PKP4: variants seen among roughly 807,000 people sequenced by gnomAD.
The protein encoded by PKP4 is plakophilin 4.
In PKP4, 90 loss-of-function variants were observed where a neutral mutation model predicts 145.1. The ratio of observed to expected loss-of-function variants is 0.62; its 90% CI spans 0.52 to 0.74. The LOEUF is 0.74. PKP4 is among the 30% of genes least tolerant of loss of function. The pLI, the probability that PKP4 is intolerant of heterozygous loss-of-function variation, is 0.00. For synonymous variants in PKP4, 563 were observed against 577.2 expected, an observed-to-expected ratio of 0.98 and a Z score of 0.35; for missense variants, 1,340 against 1,482.7, an observed-to-expected ratio of 0.90 and a Z score of 1.58.
chr2:158,641,334 A>C (rs1299296990), intron 10 of PKP4, among the ~76,000 whole-genome samples: 3 of 151,814 alleles, frequency 2.0e-5, no homozygotes, highest in African/African-American at 7.3e-5. Context: ...TCTGTCTCAA[A>C]AAAAAAAAAA....
intron 11 of PKP4, among the ~76,000 whole-genome samples, chr2:158,643,124 C>G (rs762384701): frequency 6.6e-6 from 1 of 151,824 alleles, no homozygotes; most frequent in Non-Finnish European, 1.5e-5. Context: ...TTTACTAGGC[C>G]CCAGGGATAG....
At chr2:158,548,861 C>A (rs2045329893) in intron 2 of PKP4, 1 of 204,552 alleles carries the variant, frequency 4.9e-6, no homozygotes, top group South Asian at 6.5e-5. Context: ...TTGTCACCAC[C>A]TTTGGAGAAC....
chr2:158,617,660 C>A (rs896827150), intron 4 of PKP4, among the ~76,000 whole-genome samples: 2 of 152,024 alleles, frequency 1.3e-5, no homozygotes, highest in Non-Finnish European at 2.9e-5. Context: ...AATACTTTAT[C>A]CAGTAAAATT....
At chr2:158,508,656 G>A (rs1296250575) in intron 1 of PKP4, among the ~76,000 whole-genome samples, 2 of 152,144 alleles carry the variant, frequency 1.3e-5, no homozygotes, top group East Asian at 3.9e-4. Context: ...TTTGCTAAAC[G>A]TTAGATTAAA....
intron 2 of PKP4, among the ~76,000 whole-genome samples, chr2:158,533,917 G>T (rs1173075740): frequency 6.6e-6 from 1 of 152,000 alleles, no homozygotes; most frequent in Non-Finnish European, 1.5e-5. Context: ...CTTATCAGTT[G>T]TGCTTAGAGA....
chr2:158,646,050 A>G (rs1435777816), intron 11 of PKP4, among the ~76,000 whole-genome samples: 2 of 152,334 alleles, frequency 1.3e-5, no homozygotes, highest in African/African-American at 4.8e-5. Flanking sequence ...AAAAGAGGAT[A>G]TAAGTGTTTT....
chr2:158,542,609 G>T (rs1028297561), intron 2 of PKP4, among the ~76,000 whole-genome samples: 2 of 152,090 alleles, frequency 1.3e-5, no homozygotes, highest in Non-Finnish European at 2.9e-5. Context: ...GAAAACCTTT[G>T]TCAGAGTTGG....
At chr2:158,607,355 C>T (rs2050739515) in intron 4 of PKP4, among the ~76,000 whole-genome samples, 2 of 152,136 alleles carry the variant, frequency 1.3e-5, no homozygotes, top group Admixed American at 1.3e-4. Context: ...CAGGGTTCAG[C>T]TGGGAAAACA....
Position 158,663,310 on chromosome 2 carries a change from C to A in PKP4, c.2442C>A (p.Ser814=). Residue 814 remains serine (S), a synonymous_variant, in exon 15 of 22, where the codon TCC becomes TCA. Transcript: ENST00000389759. ...GTCCTATCCCAGGACTGTCGAAGTC[C>A]CCCAAAGGGGTTGAGATGCTGTGGC... ...GVGPIPGLSK[S]PKGVEMLWHP... is the part of the protein sequence containing the mutation. 6.2e-7 allele frequency: 1 copy of A among 1,614,000 alleles called. No individual in the cohort carries two copies. The highest frequency in any genetic ancestry group is 8.5e-7 in the Non-Finnish European group (1 of 1,179,984).
chr2:158,594,152 G>A (rs1435526003), intron 3 of PKP4, among the ~76,000 whole-genome samples: 1 of 152,142 alleles, frequency 6.6e-6, no homozygotes, highest in Non-Finnish European at 1.5e-5. Flanking sequence ...CACACCAGTG[G>A]TTGGGTTTGG....
At chr2:158,472,872 T>A (rs62182678) in intron 1 of PKP4, among the ~76,000 whole-genome samples, 138,550 of 151,790 alleles carry the variant, frequency 0.91, 63,279 homozygotes, top group East Asian at 0.98. Flanking sequence ...AACAGAGTAA[T>A]GGGACAACGT....
chr2:158,666,442 A>G lies in PKP4; in HGVS notation c.2607A>G (p.Arg869=). 2 of 1,607,348 alleles carry G rather than the reference A, an allele frequency of 1.2e-6. No homozygotes were observed. Among genetic ancestry groups the G allele is most frequent in the Non-Finnish European group, 1.7e-6 (2 of 1,178,182 alleles). Residue 869 remains arginine (R), a synonymous_variant, in exon 16 of 22, where the codon CGA becomes CGG. Transcript: ENST00000389759. ...CAGCATATATCCGGGCGGCCGTCCG[A>G]AAAGAAAAGGGGCTCCCCATCCTTG... ...KFAAYIRAAV[R]KEKGLPILVE...
At chr2:158,458,306 T>C (rs1689189842) in intron 1 of PKP4, 1 of 152,552 alleles carries the variant, frequency 6.6e-6, no homozygotes, top group Non-Finnish European at 1.5e-5. Context: ...TCTTCGGAGC[T>C]GGTGAGCCTC....
At chr2:158,522,680 C>T (rs890028995) in intron 1 of PKP4, among the ~76,000 whole-genome samples, 2 of 152,204 alleles carry the variant, frequency 1.3e-5, no homozygotes, top group African/African-American at 2.4e-5. Context: ...GCGTGAGCGA[C>T]GCAGAAGACG....
At chr2:158,647,126 C>T (rs79563175) in intron 11 of PKP4, among the ~76,000 whole-genome samples, 7,286 of 152,210 alleles carry the variant, frequency 0.048, 480 homozygotes, top group African/African-American at 0.14. Context: ...CCATCAGGTG[C>T]CCATCTCCTA....
At chr2:158,624,490 GAAGT>G (rs1216036572) in intron 6 of PKP4, among the ~76,000 whole-genome samples, 2 of 152,196 alleles carry the variant, frequency 1.3e-5, no homozygotes, top group Non-Finnish European at 2.9e-5. Flanking sequence ...CATAGGGAAT[GAAGT>G]AAGTACATTG....
Position 158,489,198 on chromosome 2 carries a change from TATATAAC to T in PKP4, c.-6+31983_-6+31989del, listed in dbSNP as rs1694593288. ...AAATCATTATTGTAGGTGTGAAATT[TATATAAC>T]ATCTAAAATCTTTTGATATTATTTC... On this transcript the variant is annotated intron_variant, in intron 1 of 21. Transcript: ENST00000389759. 3.3e-5 allele frequency among the ~76,000 whole-genome samples: 5 copies of T among 152,250 alleles called. No individual in the cohort carries two copies. In the South Asian group the frequency reaches 1.0e-3, roughly 31 times the overall value.
In PKP4 at chr2:158,593,299, C is replaced by T. The variant is rs529828387; in HGVS notation, c.246-9771C>T. On this transcript the variant is annotated intron_variant, in intron 3 of 21. Coordinates refer to ENST00000389759, the MANE Select transcript of PKP4 (RefSeq NM_003628.6). ...TCTGTTGTTGTGTTTAGCCATTTTA[C>T]TCTTTTCATCTCAGTTGCTTTCATT... 5.3e-5 allele frequency among the ~76,000 whole-genome samples: 8 copies of T among 152,222 alleles called. No individual in the cohort carries two copies. The East Asian group carries it at 1.5e-3, about 29-fold the overall frequency.
chr2:158,631,009 C>T lies in PKP4; in HGVS notation c.1154-744C>T, dbSNP rs545397017. Among the ~76,000 whole-genome samples, 4 of 152,282 alleles carry T rather than the reference C, an allele frequency of 2.6e-5. 1 individual carries two copies. The highest frequency in any genetic ancestry group is 9.6e-5 in the African/African-American group (4 of 41,560). On this transcript the variant is annotated intron_variant, in intron 7 of 21. Transcript: ENST00000389759. ...TTGGAGTGCAGTGGCGCAATCTTGG[C>T]TCACTGCAAGCTCCGCCTTCCGGGT...
Sources: allele counts gnomAD v4.1 joint callset (sites outside exome capture counted in the v4.1 genomes callset), GRCh38; gene constraint gnomAD v4.1.1; transcripts MANE v1.5; gene names NCBI Gene and HGNC (gene_info 2026-07-23, HGNC 2026-07-21).